GPC5: variants seen among roughly 807,000 people sequenced by gnomAD.
GPC5 encodes glypican 5.
In GPC5, 47 loss-of-function variants were observed where a neutral mutation model predicts 53.9. That is an observed-to-expected ratio of 0.87 (90% CI 0.69 to 1.11). The LOEUF (loss-of-function observed/expected upper bound fraction) is 1.11. Ranked by LOEUF, GPC5 falls within the 50% of genes most tolerant of loss-of-function variation. The probability of loss-of-function intolerance (pLI) is 0.00; values close to 1 mark genes in which losing one functional copy is unlikely to be tolerated. For missense variants in GPC5, 748 were observed against 713.1 expected, an observed-to-expected ratio of 1.05 and a Z score of -0.56; for synonymous variants, 286 against 263.3, an observed-to-expected ratio of 1.09 and a Z score of -0.84.
At chr13:91,987,018 C>T (rs914295810) in intron 6 of GPC5, among the ~76,000 whole-genome samples, 1 of 152,114 alleles carries the variant, frequency 6.6e-6, no homozygotes. Context: ...AAGTAGATAA[C>T]AATCAAGGTT....
chr13:92,700,255 ATTTTTTT>A, intron 7 of GPC5, among the ~76,000 whole-genome samples: 1 of 103,638 alleles, frequency 9.6e-6, no homozygotes, highest in African/African-American at 3.6e-5. Flanking sequence ...CAACCCCTGC[ATTTTTTT>A]TTTTTTTTTT....
intron 6 of GPC5, among the ~76,000 whole-genome samples, chr13:92,018,687 T>G (rs1351566068): frequency 2.0e-5 from 3 of 152,110 alleles, no homozygotes; most frequent in African/African-American, 7.2e-5. Context: ...GAAATCAAGA[T>G]TTTCAAATTC....
At chr13:92,291,587 T>C (rs553670229) in intron 7 of GPC5, among the ~76,000 whole-genome samples, 2 of 152,154 alleles carry the variant, frequency 1.3e-5, no homozygotes, top group Non-Finnish European at 2.9e-5. Context: ...CAGCAGGATG[T>C]GGGTGGGGCC....
At chr13:92,764,159 C>T (rs1200737259) in intron 7 of GPC5, among the ~76,000 whole-genome samples, 4 of 152,130 alleles carry the variant, frequency 2.6e-5, no homozygotes, top group Admixed American at 6.5e-5. Flanking sequence ...TAGCTCAGGC[C>T]GATGGACAAA....
At chr13:92,399,035 CT>C (rs2139333938) in intron 7 of GPC5, among the ~76,000 whole-genome samples, 1 of 152,322 alleles carries the variant, frequency 6.6e-6, no homozygotes, top group African/African-American at 2.4e-5. Context: ...ATTAATCTTT[CT>C]AAACTAGAGC....
chr13:92,164,857 G>A (rs925908307), intron 7 of GPC5, among the ~76,000 whole-genome samples: 8 of 152,212 alleles, frequency 5.3e-5, no homozygotes, highest in Admixed American at 3.9e-4. Flanking sequence ...CTAGACAGAG[G>A]TTCCCAAACT....
chr13:91,945,688 T>A (rs1318698085), intron 6 of GPC5, among the ~76,000 whole-genome samples: 2 of 152,110 alleles, frequency 1.3e-5, no homozygotes, highest in African/African-American at 4.8e-5. Flanking sequence ...CACTCATCAT[T>A]TGCTACTGTG....
chr13:91,643,969 CATAT>C, intron 2 of GPC5, among the ~76,000 whole-genome samples: 1 of 27,682 alleles, frequency 3.6e-5, no homozygotes. Context: ...AATTAAAATT[CATAT>C]GTTAAGACTT....
chr13:91,736,617 C>T (rs1328502826), intron 4 of GPC5, among the ~76,000 whole-genome samples: 1 of 151,130 alleles, frequency 6.6e-6, no homozygotes, highest in Non-Finnish European at 1.5e-5. Flanking sequence ...AAAAAATAGA[C>T]AAGGAAAACA....
intron 7 of GPC5, among the ~76,000 whole-genome samples, chr13:92,379,989 A>G (rs7332197): frequency 0.54 from 81,387 of 151,960 alleles, 21,994 homozygotes; most frequent in East Asian, 0.6. Context: ...TACCCATCCA[A>G]TGGTCACTCA....
chr13:91,902,341 C>T (rs1367689787), intron 5 of GPC5, among the ~76,000 whole-genome samples: 5 of 151,918 alleles, frequency 3.3e-5, no homozygotes, highest in African/African-American at 4.8e-5. Flanking sequence ...ATATGTTCAA[C>T]AGAGAGGGAA....
At chr13:92,542,081 T>C (rs1156597613) in intron 7 of GPC5, among the ~76,000 whole-genome samples, 2 of 152,052 alleles carry the variant, frequency 1.3e-5, no homozygotes, top group African/African-American at 2.4e-5. Flanking sequence ...GTATATAATC[T>C]GGAATAAAGC....
chr13:91,949,268 G>A (rs2040004367), intron 6 of GPC5, among the ~76,000 whole-genome samples: 1 of 152,090 alleles, frequency 6.6e-6, no homozygotes. Context: ...ATAAAAAGAG[G>A]CTGATGTCAC....
rs562481958 is a variant in GPC5 at position 91,705,920 on chromosome 13, G to A, written c.1020+12039G>A. Among the ~76,000 whole-genome samples the A allele has an allele frequency of 1.1e-4, 14 of 127,202 alleles. 1 individual carries two copies. The South Asian group carries it at 2.1e-3, about 19-fold the overall frequency. 83.4% of individuals were successfully genotyped at this position (127,202 alleles called of 152,430 possible). ...TTTGAGATGGAGTTTTGTTCTTGTC[G>A]CCCAGGTTGGAGTGCAGTGGCACGA... On this transcript the variant is annotated intron_variant, in intron 3 of 7. Coordinates refer to ENST00000377067, the MANE Select transcript of GPC5 (RefSeq NM_004466.6).
rs1594649835 is a variant in GPC5, at chr13:91,898,676, A to G, written c.1281-9261A>G. On this transcript the variant is annotated intron_variant, in intron 5 of 7. Transcript: ENST00000377067. ...TAAATTTATGTTACTGTCACCAAAGACAGACAAAAAAAAAATCTATTAGGT... is the reference window on the plus strand; with the variant it reads ...TAAATTTATGTTACTGTCACCAAAGGCAGACAAAAAAAAAATCTATTAGGT... Among the ~76,000 whole-genome samples, 3 of 84,826 alleles carry G rather than the reference A, an allele frequency of 3.5e-5. 1 individual carries two copies. In the East Asian group the frequency reaches 1.1e-3, roughly 31 times the overall value. 55.6% of individuals were successfully genotyped at this position (84,826 alleles called of 152,430 possible).
At chr13:92,348,961 C>T (rs1289474725) in intron 7 of GPC5, among the ~76,000 whole-genome samples, 1 of 151,610 alleles carries the variant, frequency 6.6e-6, no homozygotes, top group East Asian at 1.9e-4. Flanking sequence ...AAATGTTTAC[C>T]TAAAAAAAAC....
In GPC5 at chr13:91,399,199, G is replaced by T; in HGVS notation, c.153G>T (p.Ser51=). The change falls in exon 1 of 8, where the codon TCG becomes TCT. Residue 51 remains serine, a synonymous_variant. Coordinates refer to ENST00000377067, the MANE Select transcript of GPC5 (RefSeq NM_004466.6). The stretch of plus-strand genomic sequence containing the variant: ...GAGCTGTCAGGGGGCTGCCGGATTC[G>T]CCGCGGGCAGGTAAGGGGCAATGAG... The part of the protein sequence containing the change: ...LLGAVRGLPD[S]PRAGPDLQVC... 6.2e-7 allele frequency: 1 copy of T among 1,611,762 alleles called. No homozygotes were observed. The highest frequency in any genetic ancestry group is 8.5e-7 in the Non-Finnish European group (1 of 1,179,506).
chr13:91,601,903 T>C (rs2033192992), intron 2 of GPC5, among the ~76,000 whole-genome samples: 1 of 152,214 alleles, frequency 6.6e-6, no homozygotes, highest in African/African-American at 2.4e-5. Flanking sequence ...AAAATTGTCT[T>C]CCACAAAACC....
intron 5 of GPC5, among the ~76,000 whole-genome samples, chr13:91,906,528 G>GT (rs1264752347): frequency 1.1e-4 from 16 of 151,920 alleles, no homozygotes; most frequent in East Asian, 1.9e-4. Flanking sequence ...GAAATCTATG[G>GT]TTTTTTAAAA....
Sources: allele counts gnomAD v4.1 joint callset (sites outside exome capture counted in the v4.1 genomes callset), GRCh38; gene constraint gnomAD v4.1.1; transcripts MANE v1.5; gene names NCBI Gene and HGNC (gene_info 2026-07-23, HGNC 2026-07-21).